PAX5: variants seen among roughly 807,000 people sequenced by gnomAD.
PAX5 encodes paired box 5.
A neutral mutation model predicts 43.7 loss-of-function variants in PAX5; 9 were observed. The observed-to-expected ratio is 0.21, with a 90% CI of 0.12 to 0.36. The LOEUF is 0.36. PAX5 is among the 10% of genes least tolerant of loss of function. The pLI is 1.00. For synonymous variants in PAX5, 228 were observed against 214.3 expected, an observed-to-expected ratio of 1.06 and a Z score of -0.56; for missense variants, 383 against 532.7, an observed-to-expected ratio of 0.72 and a Z score of 2.77.
intron 5 of PAX5, among the ~76,000 whole-genome samples, chr9:36,982,124 G>A (rs905245447): frequency 2.6e-5 from 4 of 152,290 alleles, no homozygotes; most frequent in African/African-American, 9.6e-5. Context: ...AATCAGCTAG[G>A]TGTGGTGGCA....
chr9:36,842,846 C>T (rs138865097), intron 9 of PAX5, among the ~76,000 whole-genome samples: 19 of 152,264 alleles, frequency 1.2e-4, no homozygotes, highest in Non-Finnish European at 2.5e-4. Flanking sequence ...GGCTGAGGGA[C>T]ATTCTCCCGA....
chr9:37,028,341 A>G (rs535681052), intron 1 of PAX5, among the ~76,000 whole-genome samples: 2 of 152,314 alleles, frequency 1.3e-5, no homozygotes, highest in South Asian at 2.1e-4. Flanking sequence ...AATTTTATCA[A>G]GTACCTACTA....
chr9:36,984,749 C>A (rs1836254986), intron 5 of PAX5, among the ~76,000 whole-genome samples: 1 of 152,164 alleles, frequency 6.6e-6, no homozygotes, highest in Non-Finnish European at 1.5e-5. Flanking sequence ...AGCCACCGCA[C>A]CCAGCCTCAT....
At chr9:36,976,519 G>A (rs1835442738) in intron 5 of PAX5, among the ~76,000 whole-genome samples, 1 of 152,206 alleles carries the variant, frequency 6.6e-6, no homozygotes, top group Non-Finnish European at 1.5e-5. Context: ...TGCTAGGGAT[G>A]AGGGTGGCCA....
intron 5 of PAX5, among the ~76,000 whole-genome samples, chr9:36,978,587 T>C (rs2132263145): frequency 6.6e-6 from 1 of 152,296 alleles, no homozygotes; most frequent in African/African-American, 2.4e-5. Flanking sequence ...AGTTTTTAAA[T>C]TACTGTCTGT....
intron 7 of PAX5, among the ~76,000 whole-genome samples, chr9:36,897,336 AC>A: frequency 6.6e-6 from 1 of 152,222 alleles, no homozygotes; most frequent in Admixed American, 6.5e-5. Context: ...CTAAAGTTCA[AC>A]CAGTTTGGGG....
Position 36,966,531 on chromosome 9 carries a change from G to A in PAX5, c.780+18C>T, listed in dbSNP as rs368253522. The stretch of plus-strand genomic sequence containing the variant: ...TGTGGCGGTGGCAGGTGTGGTGGGC[G>A]TGCATCACGAGGCGTACCTGCTCGG... On this transcript the variant is annotated intron_variant, in intron 6 of 9. Coordinates refer to ENST00000358127, the MANE Select transcript of PAX5 (RefSeq NM_016734.3). 4.1e-4 allele frequency: 657 copies of A among 1,605,542 alleles called. 6 individuals are homozygous for A. In the South Asian group the frequency reaches 6.0e-3, roughly 15 times the overall value.
chr9:36,984,695 AT>A (rs1425436203), intron 5 of PAX5, among the ~76,000 whole-genome samples: 1 of 152,008 alleles, frequency 6.6e-6, no homozygotes. Context: ...ACCTCAGGTG[AT>A]CTGCCCACCT....
intron 7 of PAX5, among the ~76,000 whole-genome samples, chr9:36,899,975 T>A (rs777503341): frequency 2.6e-5 from 4 of 152,254 alleles, no homozygotes; most frequent in Non-Finnish European, 4.4e-5. Flanking sequence ...CTATGGGAGA[T>A]AACTGGCTGG....
intron 6 of PAX5, among the ~76,000 whole-genome samples, chr9:36,933,523 C>A (rs188995386): frequency 6.6e-6 from 1 of 152,284 alleles, no homozygotes; most frequent in Admixed American, 6.5e-5. Flanking sequence ...GAGAGGGGAG[C>A]CCTGCTGCCC....
intron 6 of PAX5, among the ~76,000 whole-genome samples, chr9:36,943,271 C>G (rs990778052): frequency 1.3e-5 from 2 of 152,194 alleles, no homozygotes; most frequent in African/African-American, 2.4e-5. Context: ...GATGGGGAGT[C>G]TGGCATCCCC....
intron 6 of PAX5, among the ~76,000 whole-genome samples, chr9:36,927,670 C>G (rs1214736543): frequency 6.6e-6 from 1 of 151,876 alleles, no homozygotes; most frequent in Non-Finnish European, 1.5e-5. Flanking sequence ...GAAACGAGTC[C>G]TTAGCTGCAC....
At chr9:36,861,919 G>T (rs1824256780) in intron 8 of PAX5, among the ~76,000 whole-genome samples, 1 of 152,194 alleles carries the variant, frequency 6.6e-6, no homozygotes, top group Admixed American at 6.5e-5. Flanking sequence ...GAAAGAGGCT[G>T]TTGCAAGGAT....
chr9:36,939,821 G>A (rs891567896), intron 6 of PAX5, among the ~76,000 whole-genome samples: 2 of 152,234 alleles, frequency 1.3e-5, no homozygotes, highest in South Asian at 2.1e-4. Flanking sequence ...GAAAGAGAGA[G>A]AGAGTGAGAG....
chr9:36,883,144 TGGG>T (rs1482323598), intron 7 of PAX5, among the ~76,000 whole-genome samples: 1 of 152,146 alleles, frequency 6.6e-6, no homozygotes, highest in East Asian at 1.9e-4. Flanking sequence ...GAGGCAAGGC[TGGG>T]ACTGACAGTC....
chr9:36,946,555 T>C (rs1832540121), intron 6 of PAX5, among the ~76,000 whole-genome samples: 1 of 152,232 alleles, frequency 6.6e-6, no homozygotes, highest in Non-Finnish European at 1.5e-5. Context: ...GATTTTCCTG[T>C]AGCTAAGCTT....
chr9:36,902,852 G>A (rs567133711), intron 7 of PAX5, among the ~76,000 whole-genome samples: 119 of 152,298 alleles, frequency 7.8e-4, no homozygotes, highest in African/African-American at 2.8e-3. Flanking sequence ...TAACATTCGG[G>A]GCTGATATTA....
At chr9:36,990,047 A>C (rs1451523163) in intron 5 of PAX5, among the ~76,000 whole-genome samples, 1 of 152,152 alleles carries the variant, frequency 6.6e-6, no homozygotes, top group African/African-American at 2.4e-5. Flanking sequence ...TCACTTAGGA[A>C]GTGACACAAG....
intron 1 of PAX5, among the ~76,000 whole-genome samples, chr9:37,030,506 G>A (rs973682511): frequency 6.6e-6 from 1 of 152,238 alleles, no homozygotes; most frequent in Admixed American, 6.5e-5. Flanking sequence ...TCTCAACGCA[G>A]TCGGGCCTCA....
Sources: gnomAD v4.1 joint callset for allele counts (sites outside exome capture counted in the v4.1 genomes callset) on GRCh38, gnomAD v4.1.1 for gene constraint, MANE v1.5 for transcripts, NCBI Gene and HGNC (gene_info 2026-07-23, HGNC 2026-07-21) for gene names.